The following ZNRF1 variants were observed in gnomAD, a reference collection of about 807,000 sequenced individuals.
ZNRF1 encodes the protein E3 ubiquitin-protein ligase ZNRF1.
ZNRF1 carries 3 observed loss-of-function variants against 18.4 expected under a neutral mutation model. The ratio of observed to expected loss-of-function variants is 0.16; its 90% CI spans 0.07 to 0.42. ZNRF1 has a LOEUF of 0.42. Among genes scored for constraint, ZNRF1 ranks in the 10% least tolerant of loss-of-function variants. ZNRF1 has a pLI of 0.99. For missense variants in ZNRF1, 310 were observed against 329.8 expected (o/e 0.94, Z 0.47); for synonymous variants, 157 against 144.2 (o/e 1.09, Z -0.64).
intron 1 of ZNRF1, among the ~76,000 whole-genome samples, chr16:75,053,626 G>A (rs968045407): frequency 6.7e-6 from 1 of 149,616 alleles, no homozygotes; most frequent in African/African-American, 2.5e-5. Context: ...CCAATGTCCA[G>A]TGGCTGTCAC....
chr16:75,062,249 T>C (rs2035752776), intron 1 of ZNRF1, among the ~76,000 whole-genome samples: 1 of 152,212 alleles, frequency 6.6e-6, no homozygotes, highest in Non-Finnish European at 1.5e-5. Context: ...GCCTGGTCGT[T>C]GTCTCCCTGG....
rs1168231850 is a variant in ZNRF1, at chr16:75,032,645, A to G, written c.424+32550A>G. 3.3e-5 allele frequency among the ~76,000 whole-genome samples: 5 copies of G among 152,228 alleles called. No individual in the cohort carries two copies. The East Asian group carries it at 9.6e-4, about 29-fold the overall frequency. ...GAATGGGAGAAAAATTTTGCAAATC[A>G]TGTTCTGATAAGGAATTAGTATATC... On this transcript the variant is annotated intron_variant, in intron 1 of 4. Transcript: ENST00000335325.
chr16:75,078,206 G>C (rs1459820345), intron 1 of ZNRF1, among the ~76,000 whole-genome samples: 1 of 151,582 alleles, frequency 6.6e-6, no homozygotes, highest in East Asian at 1.9e-4. Flanking sequence ...GTCAGCACTT[G>C]AATGCTGTAG....
At chr16:75,095,614 C>A (rs1199234603) in intron 2 of ZNRF1, 2 of 1,548,850 alleles carry the variant, frequency 1.3e-6, no homozygotes, top group East Asian at 4.9e-5. Flanking sequence ...TACAAAGAAG[C>A]CTCAGAGGGG....
intron 1 of ZNRF1, among the ~76,000 whole-genome samples, chr16:75,053,496 G>C (rs2035630964): frequency 6.6e-6 from 1 of 151,466 alleles, no homozygotes. Context: ...GACTGAGGCA[G>C]GAGAATCGCT....
Position 75,013,117 on chromosome 16 carries a change from G to A in ZNRF1, c.424+13022G>A, listed in dbSNP as rs564512338. On this transcript the variant is annotated intron_variant, in intron 1 of 4. Transcript: ENST00000335325. ...GCAATTAGGAACCTCTGTTCAGAAA[G>A]GACCAATTTTTCTTAGGTTATATAG... Among the ~76,000 whole-genome samples, 313 of 152,266 alleles carry A rather than the reference G, an allele frequency of 2.1e-3. 1 individual carries two copies. Among genetic ancestry groups the A allele is most frequent in the African/African-American group, 7.1e-3 (293 of 41,554 alleles).
intron 1 of ZNRF1, among the ~76,000 whole-genome samples, chr16:75,057,200 C>T (rs2035680079): frequency 6.6e-6 from 1 of 152,192 alleles, no homozygotes; most frequent in Non-Finnish European, 1.5e-5. Flanking sequence ...CATGTCCCTG[C>T]TCCTTTGACT....
At chr16:75,051,042 A>G (rs1030228294) in intron 1 of ZNRF1, among the ~76,000 whole-genome samples, 2 of 66,344 alleles carry the variant, frequency 3.0e-5, no homozygotes, top group African/African-American at 6.0e-5. Context: ...AAAGAAAAAA[A>G]AAAAAAACAA....
chr16:75,050,857 C>T (rs1319949462), intron 1 of ZNRF1, among the ~76,000 whole-genome samples: 5 of 99,146 alleles, frequency 5.0e-5, no homozygotes, highest in African/African-American at 1.2e-4. Flanking sequence ...GGCGACAGAG[C>T]AAGACTCCGT....
rs146634416 is a variant in ZNRF1, at chr16:75,073,602, A to G, written c.425-19970A>G. Among the ~76,000 whole-genome samples, 67 of 152,282 alleles carry G rather than the reference A, an allele frequency of 4.4e-4. 1 individual carries two copies. In the East Asian group the frequency reaches 0.013, roughly 29 times the overall value. ...TTTTTAACTTAGGTAAAATGGCACA[A>G]ATGGCCTGGTGCTACGGATTCTTTT... is the stretch of plus-strand genomic sequence containing the variant. On this transcript the variant is annotated intron_variant, in intron 1 of 4. Coordinates refer to ENST00000335325, the MANE Select transcript of ZNRF1 (RefSeq NM_032268.5).
chr16:75,091,330 G>A (rs911233092), intron 1 of ZNRF1, among the ~76,000 whole-genome samples: 2 of 146,576 alleles, frequency 1.4e-5, no homozygotes, highest in African/African-American at 5.0e-5. Context: ...CTGCACTCCA[G>A]CCTGGGCAAC....
intron 1 of ZNRF1, among the ~76,000 whole-genome samples, chr16:75,001,387 AG>A (rs766616596): frequency 1.5e-4 from 23 of 151,100 alleles, no homozygotes; most frequent in Admixed American, 7.3e-4. Flanking sequence ...TGACTAATTT[AG>A]GGTAACACTT....
chr16:75,024,018 G>A lies in ZNRF1; in HGVS notation c.424+23923G>A, dbSNP rs184392759. Among the ~76,000 whole-genome samples the A allele has an allele frequency of 7.0e-4, 106 of 151,720 alleles. No homozygotes were observed. The East Asian group carries it at 0.013, about 18-fold the overall frequency. ...CCCCAGTAGCTAGGACTACAGGTGC[G>A]TGCCACCACACCTGGCTAATTTTTT... On this transcript the variant is annotated intron_variant, in intron 1 of 4. Transcript: ENST00000335325.
intron 1 of ZNRF1, among the ~76,000 whole-genome samples, chr16:75,016,463 C>T (rs371379456): frequency 5.3e-5 from 8 of 151,940 alleles, no homozygotes; most frequent in East Asian, 1.9e-4. Context: ...TGGTCTTGTA[C>T]TCCTGACCTC....
At chr16:75,062,676 G>A (rs932740381) in intron 1 of ZNRF1, among the ~76,000 whole-genome samples, 2 of 152,194 alleles carry the variant, frequency 1.3e-5, no homozygotes, top group African/African-American at 4.8e-5. Flanking sequence ...GCCTCTGTAC[G>A]TCAAGCCACT....
At chr16:75,106,673 G>GA (rs1261520675) in intron 4 of ZNRF1, 102 bp downstream of exon 4, 56 of 843,878 alleles carry the variant, frequency 6.6e-5, no homozygotes, top group Non-Finnish European at 1.0e-4. Flanking sequence ...CCACTGAGAA[G>GA]AAAGCAGGAG....
chr16:75,088,580 G>T (rs2036101029), intron 1 of ZNRF1, among the ~76,000 whole-genome samples: 1 of 152,162 alleles, frequency 6.6e-6, no homozygotes. Context: ...TGTTCTTTCT[G>T]CCATGTAACT....
intron 1 of ZNRF1, among the ~76,000 whole-genome samples, chr16:75,047,787 C>G (rs1052532190): frequency 5.3e-5 from 8 of 152,152 alleles, no homozygotes; most frequent in African/African-American, 1.9e-4. Context: ...GTAGCTTAAA[C>G]AACAGAAATG....
intron 1 of ZNRF1, among the ~76,000 whole-genome samples, chr16:75,001,133 T>C (rs1285311794): frequency 6.6e-6 from 1 of 152,224 alleles, no homozygotes; most frequent in African/African-American, 2.4e-5. Flanking sequence ...ATCTTAAGAT[T>C]CTTTTGGGTG....
Sources: gnomAD v4.1 joint callset for allele counts (sites outside exome capture counted in the v4.1 genomes callset) on GRCh38, gnomAD v4.1.1 for gene constraint, MANE v1.5 for transcripts, NCBI Gene and HGNC (gene_info 2026-07-23, HGNC 2026-07-21) for gene names.